MACROD2: variants seen among roughly 807,000 people sequenced by gnomAD.
MACROD2 encodes ADP-ribose glycohydrolase MACROD2.
In MACROD2, 36 loss-of-function variants were observed where a neutral mutation model predicts 70.4. The observed-to-expected ratio is 0.51, with a 90% CI of 0.39 to 0.68. The LOEUF (loss-of-function observed/expected upper bound fraction) is 0.68. Among genes scored for constraint, MACROD2 ranks in the 30% least tolerant of loss-of-function variants. The pLI is 0.00. For synonymous variants in MACROD2, 172 were observed against 178.8 expected, an observed-to-expected ratio of 0.96 and a Z score of 0.30; for missense variants, 496 against 538.4, an observed-to-expected ratio of 0.92 and a Z score of 0.78.
chr20:15,505,436 A>G (rs1301288697), intron 8 of MACROD2, among the ~76,000 whole-genome samples: 1 of 152,082 alleles, frequency 6.6e-6, no homozygotes, highest in East Asian at 1.9e-4. Flanking sequence ...ACCATCAATT[A>G]TAAAGAAGCA....
rs555972621 is a variant in MACROD2 at position 14,048,832 on chromosome 20, G to A, written c.164-36789G>A. On this transcript the variant is annotated intron_variant, in intron 2 of 17. Coordinates refer to ENST00000684519, the MANE Select transcript of MACROD2 (RefSeq NM_001351661.2). ...AATTACTAATAATGTACTTTGAAGT[G>A]TAATATAATTTTTGAGAAAATATTC... 3.9e-5 allele frequency among the ~76,000 whole-genome samples: 6 copies of A among 152,294 alleles called. No homozygotes were observed. In the South Asian group the frequency reaches 1.2e-3, roughly 32 times the overall value.
chr20:14,769,531 G>T (rs2072137678), intron 5 of MACROD2, among the ~76,000 whole-genome samples: 1 of 152,076 alleles, frequency 6.6e-6, no homozygotes, highest in African/African-American at 2.4e-5. Context: ...CTGTTGGAAA[G>T]GCTTTCAGTT....
intron 8 of MACROD2, among the ~76,000 whole-genome samples, chr20:15,583,625 GTGTTTTT>G (rs1224833776): frequency 6.6e-6 from 1 of 151,858 alleles, no homozygotes; most frequent in African/African-American, 2.4e-5. Context: ...TTCATGCCAT[GTGTTTTT>G]TGTTTTTGTT....
At chr20:15,387,738 A>ATT (rs11304564) in intron 6 of MACROD2, among the ~76,000 whole-genome samples, 37 of 130,346 alleles carry the variant, frequency 2.8e-4, no homozygotes, top group Middle Eastern at 3.8e-3. Flanking sequence ...AAACTCAGGG[A>ATT]TTTTTTTTTT....
intron 3 of MACROD2, among the ~76,000 whole-genome samples, chr20:14,452,859 T>G (rs1352580367): frequency 6.6e-6 from 1 of 152,178 alleles, no homozygotes. Flanking sequence ...TGTTTCTTGA[T>G]GCACATCTTA....
At chr20:16,031,991 T>C (rs1293251524) in intron 15 of MACROD2, among the ~76,000 whole-genome samples, 2 of 152,128 alleles carry the variant, frequency 1.3e-5, no homozygotes, top group African/African-American at 4.8e-5. Context: ...TGGAAAGAGT[T>C]GTTCAGGGTC....
At chr20:14,842,483 A>T (rs2073097625) in intron 5 of MACROD2, among the ~76,000 whole-genome samples, 1 of 152,118 alleles carries the variant, frequency 6.6e-6, no homozygotes. Flanking sequence ...AAAATTATTT[A>T]TAGTGATACT....
At chr20:15,409,789 A>G (rs977379782) in intron 6 of MACROD2, among the ~76,000 whole-genome samples, 11 of 152,208 alleles carry the variant, frequency 7.2e-5, no homozygotes, top group African/African-American at 2.4e-4. Flanking sequence ...CCTTTCTTCC[A>G]TCACCCATAC....
chr20:15,457,111 G>T (rs1305909000), intron 7 of MACROD2, among the ~76,000 whole-genome samples: 1 of 143,176 alleles, frequency 7.0e-6, no homozygotes, highest in Admixed American at 7.0e-5. Context: ...TATCCCTTGA[G>T]CTGGATGTAT....
chr20:14,269,817 C>A (rs2082175568), intron 3 of MACROD2, among the ~76,000 whole-genome samples: 1 of 147,916 alleles, frequency 6.8e-6, no homozygotes, highest in Non-Finnish European at 1.5e-5. Context: ...TTTTTTTTAT[C>A]ATGTTGATTT....
intron 3 of MACROD2, among the ~76,000 whole-genome samples, chr20:14,130,930 G>GTTTTTTTTTTTTTTTT (rs11087075): frequency 1.8e-5 from 2 of 109,656 alleles, no homozygotes; most frequent in Non-Finnish European, 1.9e-5. Context: ...TGTTTTTTTT[G>GTTTTTTTTTTTTTTTT]TTTTTTTTTT....
At chr20:15,112,908 G>A (rs2123225732) in intron 5 of MACROD2, among the ~76,000 whole-genome samples, 1 of 150,930 alleles carries the variant, frequency 6.6e-6, no homozygotes, top group East Asian at 1.9e-4. Context: ...GTTGTAGCAT[G>A]TGTCAGAATT....
intron 8 of MACROD2, among the ~76,000 whole-genome samples, chr20:15,693,471 T>C (rs1331471408): frequency 6.6e-6 from 1 of 152,186 alleles, no homozygotes; most frequent in East Asian, 1.9e-4. Flanking sequence ...TGGCAACTGA[T>C]AGAGATTTCC....
chr20:14,396,551 G>A (rs2083581669), intron 3 of MACROD2, among the ~76,000 whole-genome samples: 1 of 152,114 alleles, frequency 6.6e-6, no homozygotes, highest in Non-Finnish European at 1.5e-5. Flanking sequence ...GGTATATACT[G>A]TGACATTCTT....
intron 6 of MACROD2, among the ~76,000 whole-genome samples, chr20:15,375,061 C>A (rs1022146555): frequency 4.6e-5 from 7 of 152,184 alleles, no homozygotes; most frequent in African/African-American, 1.2e-4. Flanking sequence ...TGTACTCTTG[C>A]ATTTTGCAAA....
chr20:14,224,208 C>G (rs1432337880), intron 3 of MACROD2, among the ~76,000 whole-genome samples: 1 of 152,180 alleles, frequency 6.6e-6, no homozygotes, highest in African/African-American at 2.4e-5. Flanking sequence ...ATAAAACTAT[C>G]ACAGGAACTT....
At chr20:14,123,371 G>T (rs1042842503) in intron 3 of MACROD2, among the ~76,000 whole-genome samples, 1 of 152,010 alleles carries the variant, frequency 6.6e-6, no homozygotes, top group African/African-American at 2.4e-5. Flanking sequence ...TGTGGCATTG[G>T]TCATACTGTT....
chr20:15,562,409 A>AT, intron 8 of MACROD2, among the ~76,000 whole-genome samples: 1 of 152,316 alleles, frequency 6.6e-6, no homozygotes, highest in East Asian at 1.9e-4. Context: ...AGCAGCTATG[A>AT]TTAGGTGCAC....
In MACROD2 at chr20:14,327,544, C is replaced by T. The variant is rs140068491; in HGVS notation, c.272-165935C>T. On this transcript the variant is annotated intron_variant, in intron 3 of 17. Transcript: ENST00000684519. ...TGAGGTCTTTATACAAGGTAGCTTCCGTTACTTCAGAACCCTAAAATGAAG... is the reference window on the plus strand; with the variant it reads ...TGAGGTCTTTATACAAGGTAGCTTCTGTTACTTCAGAACCCTAAAATGAAG... The T allele has an allele frequency of 8.8e-5, 137 of 1,560,012 alleles. No individual in the cohort carries two copies. The African/African-American group carries it at 1.5e-3, about 17-fold the overall frequency.
Sources: gnomAD v4.1 joint callset for allele counts (sites outside exome capture counted in the v4.1 genomes callset) on GRCh38, gnomAD v4.1.1 for gene constraint, MANE v1.5 for transcripts, NCBI Gene and HGNC (gene_info 2026-07-23, HGNC 2026-07-21) for gene names.